The following NUP35 variants were observed in gnomAD, a reference collection of about 807,000 sequenced individuals.
NUP35 encodes the protein nucleoporin 35.
A neutral mutation model predicts 41.5 loss-of-function variants in NUP35; 25 were observed. The ratio of observed to expected loss-of-function variants is 0.60; its 90% CI spans 0.44 to 0.84. NUP35 has a LOEUF of 0.84. Ranked by LOEUF, NUP35 falls within the 40% of genes least tolerant of loss-of-function variation. NUP35 has a pLI of 0.00. For missense variants in NUP35, 396 were observed against 396.6 expected (o/e 1.00, Z 0.01); for synonymous variants, 149 against 130.7 (o/e 1.14, Z -0.96).
intron 4 of NUP35, among the ~76,000 whole-genome samples, chr2:183,146,782 A>G (rs186751966): frequency 1.2e-4 from 18 of 152,134 alleles, no homozygotes; most frequent in Admixed American, 1.2e-3. Context: ...TTTTTAGTAG[A>G]GATGGGGTTT....
Position 183,152,156 on chromosome 2 carries a change from A to ACACACACACACACACAG in NUP35, c.539+507_539+508insCACACACACACACACAG, listed in dbSNP as rs56941373. On this transcript the variant is annotated intron_variant, in intron 5 of 8. Transcript: ENST00000295119. ...ACACACACACACACACACACACACA[A>ACACACACACACACACAG]TGTCACAGGGTTGATACTTTCTGGT... 9.1e-4 allele frequency among the ~76,000 whole-genome samples: 127 copies of ACACACACACACACACAG among 139,764 alleles called. 3 individuals are homozygous for ACACACACACACACACAG. The highest frequency in any genetic ancestry group is 6.5e-3 in the East Asian group (30 of 4,646). 91.7% of individuals were successfully genotyped at this position (139,764 alleles called of 152,430 possible). A position where few individuals can be genotyped will look rare whatever the true frequency, so the allele number is the denominator to read the frequency against.
chr2:183,139,823 A>G (rs1295117604), intron 4 of NUP35, among the ~76,000 whole-genome samples: 1 of 152,180 alleles, frequency 6.6e-6, no homozygotes, highest in Non-Finnish European at 1.5e-5. Flanking sequence ...CAACAACATA[A>G]TTTTGGACTT....
chr2:183,127,679 T>C (rs72892678), intron 1 of NUP35, among the ~76,000 whole-genome samples: 11,986 of 152,308 alleles, frequency 0.079, 553 homozygotes, highest in South Asian at 0.17. Context: ...TCCTTGTTTT[T>C]GGTTGTTACA....
At chr2:183,153,603 G>C (rs564787934) in intron 5 of NUP35, among the ~76,000 whole-genome samples, 2 of 152,308 alleles carry the variant, frequency 1.3e-5, no homozygotes, top group East Asian at 3.9e-4. Context: ...TCCAGGTCAC[G>C]CTGATGCAAG....
At chr2:183,123,783 A>C, upstream of NUP35, 1 of 985,382 alleles carries the variant, frequency 1.0e-6, no homozygotes, top group Non-Finnish European at 1.2e-6. Context: ...CAGGGATGGC[A>C]CATGCAGAAG....
intron 1 of NUP35, among the ~76,000 whole-genome samples, chr2:183,128,073 GAA>G (rs11366544): frequency 8.0e-5 from 11 of 137,310 alleles, no homozygotes; most frequent in African/African-American, 2.9e-4. Context: ...CTCGGACTCA[GAA>G]AAAAAAAAAA....
chr2:183,133,664 G>T (rs750994494), intron 4 of NUP35, 41 bp downstream of exon 4: 2 of 1,459,868 alleles, frequency 1.4e-6, no homozygotes, highest in South Asian at 1.3e-5. Context: ...TTAAAAGACA[G>T]GGTCTGGCTC....
intron 4 of NUP35, among the ~76,000 whole-genome samples, chr2:183,143,166 A>AG (rs1470075762): frequency 2.1e-4 from 32 of 151,182 alleles, no homozygotes; most frequent in African/African-American, 7.3e-4. Context: ...AAAAAAAAAA[A>AG]AAAAGAAAAG....
intron 2 of NUP35, 32 bp downstream of exon 2, chr2:183,128,489 C>T: frequency 1.3e-6 from 2 of 1,578,142 alleles, no homozygotes; most frequent in African/African-American, 2.7e-5. Flanking sequence ...ATTTTATAGA[C>T]ATGCTAGATA....
chr2:183,118,441 T>C (rs998419203), intron 1 of NUP35: 2 of 152,342 alleles, frequency 1.3e-5, no homozygotes, highest in South Asian at 2.1e-4. Flanking sequence ...CTTCATTTTA[T>C]AATAAGCACT....
intron 4 of NUP35, among the ~76,000 whole-genome samples, chr2:183,145,247 A>G (rs1160792996): frequency 1.3e-5 from 2 of 152,248 alleles, no homozygotes; most frequent in Non-Finnish European, 2.9e-5. Flanking sequence ...TTCATTCTAA[A>G]TCAGACTTAT....
In NUP35 at chr2:183,152,755, A is replaced by G. The variant is rs184203946; in HGVS notation, c.539+1106A>G. Among the ~76,000 whole-genome samples, 6 of 152,290 alleles carry G rather than the reference A, an allele frequency of 3.9e-5. No individual in the cohort carries two copies. The East Asian group carries it at 7.7e-4, about 20-fold the overall frequency. On this transcript the variant is annotated intron_variant, in intron 5 of 8. Coordinates refer to ENST00000295119, the MANE Select transcript of NUP35 (RefSeq NM_138285.5). ...CAGGTGAGGAAACTGAGGTGTAGGCAGATTAAGTGATTTATTCAGCCGTTC... is the reference window on the plus strand; with the variant it reads ...CAGGTGAGGAAACTGAGGTGTAGGCGGATTAAGTGATTTATTCAGCCGTTC...
At chr2:183,159,858 ATT>A in intron 8 of NUP35, 1 of 418,024 alleles carries the variant, frequency 2.4e-6, no homozygotes, top group African/African-American at 2.1e-5. Context: ...AAAAAAAAAA[ATT>A]ATTTGCCATT....
chr2:183,121,292 G>A (rs1700063648), upstream of NUP35, among the ~76,000 whole-genome samples: 1 of 152,004 alleles, frequency 6.6e-6, no homozygotes, highest in Admixed American at 6.6e-5. Flanking sequence ...AATCAAAATA[G>A]TAAAGATAGG....
intron 3 of NUP35, among the ~76,000 whole-genome samples, chr2:183,132,605 GAA>G (rs1684738393): frequency 1.3e-5 from 2 of 152,060 alleles, no homozygotes; most frequent in Admixed American, 1.3e-4. Context: ...TTTGTTGCAA[GAA>G]CCACTGGCTT....
chr2:183,159,698 T>C (rs775609333), intron 8 of NUP35, 46 bp downstream of exon 8: 1 of 1,420,218 alleles, frequency 7.0e-7, no homozygotes, highest in Non-Finnish European at 9.9e-7. Context: ...AATGGCTGAG[T>C]GCATAGCATG....
At chr2:183,122,057 G>A (rs1700076214), upstream of NUP35, among the ~76,000 whole-genome samples, 3 of 150,366 alleles carry the variant, frequency 2.0e-5, no homozygotes, top group Admixed American at 6.6e-5. Context: ...TAATAGTTTG[G>A]TGCAAATCTT....
intron 1 of NUP35, among the ~76,000 whole-genome samples, chr2:183,127,779 A>T (rs10497620): frequency 0.079 from 11,985 of 152,304 alleles, 555 homozygotes; most frequent in South Asian, 0.17. Flanking sequence ...TGTCACAGAT[A>T]AATATTGTGC....
chr2:183,159,927 C>G (rs1261867217), intron 8 of NUP35: 1 of 332,634 alleles, frequency 3.0e-6, no homozygotes, highest in African/African-American at 2.2e-5. Flanking sequence ...TGCATACATA[C>G]GAAATGTATC....
Sources: gnomAD v4.1 joint callset for allele counts (sites outside exome capture counted in the v4.1 genomes callset) on GRCh38, gnomAD v4.1.1 for gene constraint, MANE v1.5 for transcripts, NCBI Gene and HGNC (gene_info 2026-07-23, HGNC 2026-07-21) for gene names.